The following KDM4B variants were observed in gnomAD, a reference collection of about 807,000 sequenced individuals.
KDM4B encodes lysine demethylase 4B, also known as lysine-specific demethylase 4B.
In KDM4B, 32 loss-of-function variants were observed where a neutral mutation model predicts 125.2. The observed-to-expected ratio is 0.26, with a 90% CI of 0.19 to 0.34. KDM4B has a LOEUF of 0.34. Ranked by LOEUF, KDM4B falls within the 10% of genes least tolerant of loss-of-function variation. The pLI, the probability that KDM4B is intolerant of heterozygous loss-of-function variation, is 1.00. For missense variants in KDM4B, 1,190 were observed against 1,577.7 expected, an observed-to-expected ratio of 0.75 and a Z score of 4.16; for synonymous variants, 721 against 677.9, an observed-to-expected ratio of 1.06 and a Z score of -0.99.
At chr19:4,998,989 C>T (rs765592201) in intron 1 of KDM4B, among the ~76,000 whole-genome samples, 5 of 152,150 alleles carry the variant, frequency 3.3e-5, no homozygotes, top group Non-Finnish European at 5.9e-5. Flanking sequence ...AAGGTGGGCC[C>T]GCCAGGTTTC....
At position 5,030,728 on chromosome 19, in the gene KDM4B, C is replaced by A. The variant is rs1248700420; in HGVS notation, c.-25-2138C>A. On this transcript the variant is annotated intron_variant, in intron 2 of 22. Coordinates refer to ENST00000159111, the MANE Select transcript of KDM4B (RefSeq NM_015015.3). Reference sequence around the variant, plus strand: ...TGTGCCGTGTGGCCTAGGCCCACAACTGCCCCTCGTGGGCCTCTGTGCCTC... The same window carrying A: ...TGTGCCGTGTGGCCTAGGCCCACAAATGCCCCTCGTGGGCCTCTGTGCCTC... Among the ~76,000 whole-genome samples the A allele has an allele frequency of 2.6e-5, 4 of 152,368 alleles. No homozygotes were observed. In the East Asian group the frequency reaches 5.8e-4, roughly 22 times the overall value.
chr19:5,057,072 G>C (rs555621940), intron 6 of KDM4B, among the ~76,000 whole-genome samples: 4 of 151,902 alleles, frequency 2.6e-5, no homozygotes, highest in Admixed American at 2.0e-4. Context: ...GTGTGCGCGC[G>C]CGCGCGTATG....
chr19:4,998,179 C>G (rs1187490013), intron 1 of KDM4B, among the ~76,000 whole-genome samples: 1 of 152,126 alleles, frequency 6.6e-6, no homozygotes. Flanking sequence ...GTGGCCTTTG[C>G]CCGTAGTGCT....
At chr19:5,109,818 G>A (rs530250258) in intron 9 of KDM4B, among the ~76,000 whole-genome samples, 3 of 152,324 alleles carry the variant, frequency 2.0e-5, no homozygotes, top group East Asian at 1.9e-4. Flanking sequence ...GTCACATTCC[G>A]GGATTCCTGT....
At chr19:5,002,476 CTTCT>C (rs1311985416) in intron 1 of KDM4B, among the ~76,000 whole-genome samples, 1 of 148,734 alleles carries the variant, frequency 6.7e-6, no homozygotes, top group Non-Finnish European at 1.5e-5. Flanking sequence ...CTTTCCTTTC[CTTCT>C]TTCTTTCCTT....
rs73538561 is a variant in KDM4B at position 4,987,653 on chromosome 19, G to A, written c.-109+18423G>A. ...AACTTTTAGAATGAGGGGCTTGTCC[G>A]GGATGGCAATGCTTCTGCTGTCAGG... On this transcript the variant is annotated intron_variant, in intron 1 of 22. Coordinates refer to ENST00000159111, the MANE Select transcript of KDM4B (RefSeq NM_015015.3). Among the ~76,000 whole-genome samples the A allele has an allele frequency of 4.3e-3, 659 of 152,324 alleles. 8 individuals carry two copies. Among genetic ancestry groups the A allele is most frequent in the African/African-American group, 0.015 (611 of 41,572 alleles).
intron 6 of KDM4B, among the ~76,000 whole-genome samples, chr19:5,054,667 G>A (rs908360992): frequency 1.3e-5 from 2 of 152,234 alleles, no homozygotes; most frequent in Non-Finnish European, 2.9e-5. Flanking sequence ...GCGAGAACTC[G>A]GGCCAGGAGC....
At chr19:5,023,553 C>G (rs1302730278) in intron 2 of KDM4B, among the ~76,000 whole-genome samples, 1 of 152,124 alleles carries the variant, frequency 6.6e-6, no homozygotes, top group Non-Finnish European at 1.5e-5. Flanking sequence ...CAGCAGGAAC[C>G]AGCGAGATGG....
chr19:5,076,112 C>A (rs2038099902), intron 7 of KDM4B: 1 of 131,038 alleles, frequency 7.6e-6, no homozygotes, highest in Admixed American at 7.8e-5. Flanking sequence ...GTCCTTTCCC[C>A]AGGGTCGTGC....
intron 1 of KDM4B, among the ~76,000 whole-genome samples, chr19:5,003,345 G>C (rs2035451971): frequency 1.3e-5 from 2 of 152,194 alleles, no homozygotes; most frequent in African/African-American, 2.4e-5. Flanking sequence ...GCTGGGTGTG[G>C]TGGCGCATGC....
rs934765016 is a variant in KDM4B, at chr19:5,115,838, C to G, written c.1116-3815C>G. ...TGGGAGGCCCTTGAAGAATCCCCTCCCACAGCACTGACAGACAGAGCTGGA... is the reference window on the plus strand; with the variant it reads ...TGGGAGGCCCTTGAAGAATCCCCTCGCACAGCACTGACAGACAGAGCTGGA... On this transcript the variant is annotated intron_variant, in intron 10 of 22. Transcript: ENST00000159111. This position sits in a 1 kb window ranked among gnomAD's most constrained non-coding sequence, Gnocchi z 4.2. 2.6e-5 allele frequency among the ~76,000 whole-genome samples: 4 copies of G among 152,136 alleles called. No homozygotes were observed. Among genetic ancestry groups the G allele is most frequent in the Non-Finnish European group, 5.9e-5 (4 of 68,024 alleles).
At chr19:5,037,214 A>G (rs946069603) in intron 3 of KDM4B, among the ~76,000 whole-genome samples, 2 of 152,182 alleles carry the variant, frequency 1.3e-5, no homozygotes, top group Non-Finnish European at 2.9e-5. Context: ...GAGCCGGGCC[A>G]GGTTCATGGA....
At chr19:5,130,909 T>G (rs2039530850) in intron 11 of KDM4B, among the ~76,000 whole-genome samples, 167 bp from the exon 12 acceptor site, 2 of 152,240 alleles carry the variant, frequency 1.3e-5, no homozygotes, top group Non-Finnish European at 2.9e-5. Context: ...TGCGGTGATC[T>G]GAGGTGGCCC....
chr19:5,051,500 T>C (rs937425068), intron 6 of KDM4B, among the ~76,000 whole-genome samples: 1 of 152,206 alleles, frequency 6.6e-6, no homozygotes, highest in African/African-American at 2.4e-5. Flanking sequence ...AGATGGGGGA[T>C]CAGCATGTTC....
chr19:5,059,040 C>T (rs2145764097), intron 6 of KDM4B, among the ~76,000 whole-genome samples: 1 of 152,342 alleles, frequency 6.6e-6, no homozygotes, highest in South Asian at 2.1e-4. Context: ...CCCGCGGGTC[C>T]CTCCCACTGC....
rs769242663 is a variant in KDM4B, at chr19:5,032,851, C to T, written c.-25-15C>T. 227 of 1,607,944 alleles carry T rather than the reference C, an allele frequency of 1.4e-4. 1 individual carries two copies. The South Asian group carries it at 1.6e-3, about 11-fold the overall frequency. On this transcript the variant is annotated splice_polypyrimidine_tract_variant and intron_variant, in intron 2 of 22. Coordinates refer to ENST00000159111, the MANE Select transcript of KDM4B (RefSeq NM_015015.3). ...GCGGCACCGCTGGTTCACCCTCTCT[C>T]GTCTTCCTCCACAGGTGTGCTTCCC...
At chr19:5,132,724 C>T (rs2039580828) in intron 13 of KDM4B, among the ~76,000 whole-genome samples, 1 of 144,414 alleles carries the variant, frequency 6.9e-6, no homozygotes, top group Admixed American at 7.0e-5. Flanking sequence ...GACTCCCCCA[C>T]TCCCCACACC....
chr19:5,077,707 A>C, intron 8 of KDM4B: 6 of 482,036 alleles, frequency 1.2e-5, no homozygotes, highest in Admixed American at 3.8e-5. Flanking sequence ...CCCAAACCAA[A>C]CCAAAACTTC....
chr19:5,127,387 C>T (rs741698), intron 11 of KDM4B, among the ~76,000 whole-genome samples: 71,525 of 152,050 alleles, frequency 0.47, 17,193 homozygotes, highest in East Asian at 0.65. Context: ...CCTTGGGCAT[C>T]TCCCTCTAAC....
Sources: allele counts gnomAD v4.1 joint callset (sites outside exome capture counted in the v4.1 genomes callset), GRCh38; gene constraint gnomAD v4.1.1; non-coding constraint Gnocchi (gnomAD v3.1); transcripts MANE v1.5; gene names NCBI Gene and HGNC (gene_info 2026-07-23, HGNC 2026-07-21).